SLC18A1: variants seen among roughly 807,000 people sequenced by gnomAD.
SLC18A1 encodes solute carrier family 18 member A1.
In SLC18A1, 69 loss-of-function variants were observed where a neutral mutation model predicts 53.7. The observed-to-expected ratio is 1.28, with a 90% confidence interval of 1.06 to 1.57. SLC18A1 has a LOEUF of 1.57. SLC18A1 is among the 40% of genes most tolerant of loss of function. The probability of loss-of-function intolerance (pLI) is 0.00; values close to 1 mark genes in which losing one functional copy is unlikely to be tolerated. For missense variants in SLC18A1, 932 were observed against 668.1 expected, an observed-to-expected ratio of 1.40 and a Z score of -4.35; for synonymous variants, 320 against 248.1, an observed-to-expected ratio of 1.29 and a Z score of -2.72.
chr8:20,181,042 C>CTGTCA lies in SLC18A1; in HGVS notation c.-79_-78insTGACA. On this transcript the variant is annotated 5_prime_UTR_variant, in exon 2 of 16. Coordinates refer to ENST00000276373, the MANE Select transcript of SLC18A1 (RefSeq NM_003053.4). ...TGTGACAGCTACAGGTCTCCTGCAGCCTTTATGGAAGAGGGGAGGGAGTCT... is the reference window on the plus strand; with the variant it reads ...TGTGACAGCTACAGGTCTCCTGCAGCTGTCACTTTATGGAAGAGGGGAGGGAGTCT... 1 of 1,493,920 alleles carries CTGTCA rather than the reference C, an allele frequency of 6.7e-7. No homozygotes were observed. Among genetic ancestry groups the CTGTCA allele is most frequent in the Non-Finnish European group, 9.0e-7 (1 of 1,114,548 alleles). The allele number at this position is 1,493,920 out of a possible 1,614,324, so 92.5% of individuals were successfully genotyped here. A position where few individuals can be genotyped will look rare whatever the true frequency, so the allele number is the denominator to read the frequency against.
chr8:20,153,882 T>A (rs2071619891), intron 10 of SLC18A1, among the ~76,000 whole-genome samples: 1 of 152,226 alleles, frequency 6.6e-6, no homozygotes, highest in Admixed American at 6.5e-5. Flanking sequence ...TGCTTGATAT[T>A]TGTCCTCTTG....
chr8:20,182,063 T>C (rs1226160080), intron 1 of SLC18A1: 2 of 152,222 alleles, frequency 1.3e-5, no homozygotes, highest in Non-Finnish European at 2.9e-5. Context: ...TAAGAGTTTC[T>C]GGGGAGAATT....
chr8:20,147,280 G>A lies in SLC18A1; in HGVS notation c.1442C>T (p.Pro481Leu). Residue 481 changes from proline (P) to leucine (L), a missense_variant, in exon 15 of 16, where the codon CCC becomes CTC. Pro to Leu is a moderately conservative substitution (Grantham distance 98). Transcript: ENST00000276373. ...YAPLCYYLRS[P>L]PAKEEKLAIL... ...TACAAGCTTCTCTTCCTTTGCCGGG[G>A]GGCTCCGCAGGTAGTAGCAGAGTGG... 6.2e-7 allele frequency: 1 copy of A among 1,606,896 alleles called. No individual in the cohort carries two copies. The highest frequency in any genetic ancestry group is 8.5e-7 in the Non-Finnish European group (1 of 1,178,062).
At chr8:20,147,976 G>A (rs1479887903) in intron 13 of SLC18A1, 31 bp downstream of exon 13, 5 of 1,608,426 alleles carry the variant, frequency 3.1e-6, no homozygotes, top group East Asian at 2.2e-5. Context: ...ACATGCAGGG[G>A]CTTATTGTTT....
chr8:20,173,066 C>G lies in SLC18A1; in HGVS notation c.694G>C (p.Ala232Pro). Residue 232 changes from alanine to proline, a missense_variant, in exon 6 of 16, where the codon GCT becomes CCT. Coordinates refer to ENST00000276373, the MANE Select transcript of SLC18A1 (RefSeq NM_003053.4). ...AACCCCAAGGCCAGGCCCCCCAGAG[C>G]AGTTCCCATGGCTCGTCCTCTCTCA... ...DHERGRAMGT[A>P]LGGLALGLLV... 6.3e-7 allele frequency: 1 copy of G among 1,592,630 alleles called. No homozygotes were observed. Among genetic ancestry groups the G allele is most frequent in the South Asian group, 1.1e-5 (1 of 87,350 alleles).
intron 8 of SLC18A1, among the ~76,000 whole-genome samples, chr8:20,170,196 C>A (rs889864228): frequency 6.6e-6 from 1 of 152,090 alleles, no homozygotes; most frequent in Non-Finnish European, 1.5e-5. Flanking sequence ...CAGGAGACTG[C>A]GGGAGGCTCC....
rs375597139 is a variant in SLC18A1, at chr8:20,150,539, T to G, written c.1094+127A>C. The G allele has an allele frequency of 1.8e-4, 153 of 832,732 alleles. 1 individual carries two copies. The South Asian group carries it at 2.1e-3, about 11-fold the overall frequency. 51.6% of individuals were successfully genotyped at this position (832,732 alleles called of 1,614,324 possible). A position where few individuals can be genotyped will look rare whatever the true frequency, so the allele number is the denominator to read the frequency against. On this transcript the variant is annotated intron_variant, in intron 11 of 15. Coordinates refer to ENST00000276373, the MANE Select transcript of SLC18A1 (RefSeq NM_003053.4). ...CACTGCCCATCCTCCCAGTGGGAAG[T>G]TTTTATCGGTGTGTACTCATCCTAA... is the stretch of plus-strand genomic sequence containing the variant.
chr8:20,147,252 C>T lies in SLC18A1; in HGVS notation c.1464+6G>A. 1 of 1,593,632 alleles carries T rather than the reference C, an allele frequency of 6.3e-7. No individual in the cohort carries two copies. Among genetic ancestry groups the T allele is most frequent in the South Asian group, 1.1e-5 (1 of 87,516 alleles). ...AATTTCTCTTTTAACAGTCGGTGCT[C>T]CTTACAAGCTTCTCTTCCTTTGCCG... is the stretch of plus-strand genomic sequence containing the variant. On this transcript the variant is annotated splice_donor_region_variant and intron_variant, in intron 15 of 15. Coordinates refer to ENST00000276373, the MANE Select transcript of SLC18A1 (RefSeq NM_003053.4).
chr8:20,171,071 A>C, intron 8 of SLC18A1, 32 bp downstream of exon 8: 1 of 1,611,310 alleles, frequency 6.2e-7, no homozygotes. Context: ...ATCCTGTATA[A>C]CTGTTAGAAA....
intron 6 of SLC18A1, 88 bp from the exon 7 acceptor site, chr8:20,171,582 CAGA>C: frequency 9.6e-7 from 1 of 1,043,014 alleles, no homozygotes; most frequent in Non-Finnish European, 1.5e-6. Context: ...TGAGCATTTG[CAGA>C]AGGCCTGCTA....
Position 20,145,890 on chromosome 8 carries a change from C to T in SLC18A1, c.1465-14G>A. 6.8e-7 allele frequency: 1 copy of T among 1,472,492 alleles called. No homozygotes were observed. Among genetic ancestry groups the T allele is most frequent in the Non-Finnish European group, 9.3e-7 (1 of 1,070,792 alleles). 91.2% of individuals were successfully genotyped at this position (1,472,492 alleles called of 1,614,324 possible). Reference sequence around the variant, plus strand: ...ACTCAGAATAGCCTGCAGAGAGAGGCAAGAAGAGAAGCCACTGCACATTAT... The same window carrying T: ...ACTCAGAATAGCCTGCAGAGAGAGGTAAGAAGAGAAGCCACTGCACATTAT... On this transcript the variant is annotated splice_polypyrimidine_tract_variant and intron_variant, in intron 15 of 15. Coordinates refer to ENST00000276373, the MANE Select transcript of SLC18A1 (RefSeq NM_003053.4).
At chr8:20,151,155 TTTG>T (rs1216711090) in intron 10 of SLC18A1, among the ~76,000 whole-genome samples, 69 of 142,540 alleles carry the variant, frequency 4.8e-4, no homozygotes, top group South Asian at 1.3e-3. Context: ...TTGTTTTTTT[TTTG>T]TTTGTTTGTT....
Position 20,181,111 on chromosome 8 carries a change from G to C in SLC18A1, c.-123-24C>G. ...CACTATTAAAACGAAAAGTGCAAAG[G>C]GTTGCAAGTAGTAGGATGATATTTG... On this transcript the variant is annotated intron_variant, in intron 1 of 15. Coordinates refer to ENST00000276373, the MANE Select transcript of SLC18A1 (RefSeq NM_003053.4). 1.7e-5 allele frequency: 14 copies of C among 814,710 alleles called. 1 individual carries two copies. In the South Asian group the frequency reaches 2.6e-4, roughly 15 times the overall value. The allele number at this position is 814,710 out of a possible 1,614,324, so 50.5% of individuals were successfully genotyped here.
At chr8:20,171,864 T>A (rs928248438) in intron 6 of SLC18A1, among the ~76,000 whole-genome samples, 3 of 152,014 alleles carry the variant, frequency 2.0e-5, no homozygotes, top group Non-Finnish European at 4.4e-5. Flanking sequence ...GTGTAGAGTA[T>A]CTGGAGGGGA....
chr8:20,156,473 G>A (rs1264097513), intron 10 of SLC18A1, among the ~76,000 whole-genome samples: 3 of 152,104 alleles, frequency 2.0e-5, no homozygotes, highest in Non-Finnish European at 2.9e-5. Context: ...GGTTCCTCCC[G>A]GGTGACTGAG....
At chr8:20,159,652 AAAAAAAAAAAAG>A (rs2071772362) in intron 10 of SLC18A1, among the ~76,000 whole-genome samples, 1 of 75,558 alleles carries the variant, frequency 1.3e-5, no homozygotes, top group Non-Finnish European at 2.8e-5. Flanking sequence ...AAAAAAAAAA[AAAAAAAAAAAAG>A]AAAGAAAAAG....
intron 10 of SLC18A1, among the ~76,000 whole-genome samples, chr8:20,153,209 T>C (rs2071602463): frequency 6.9e-6 from 1 of 145,854 alleles, no homozygotes; most frequent in Non-Finnish European, 1.5e-5. Context: ...ACCAACAGCG[T>C]GGTTGTGCGT....
intron 10 of SLC18A1, among the ~76,000 whole-genome samples, chr8:20,153,734 G>A (rs2071616983): frequency 6.6e-6 from 1 of 152,070 alleles, no homozygotes; most frequent in Non-Finnish European, 1.5e-5. Context: ...ACAGTGAATT[G>A]GTGATCCCAG....
intron 10 of SLC18A1, among the ~76,000 whole-genome samples, chr8:20,164,233 G>A (rs1393807006): frequency 1.3e-5 from 2 of 152,108 alleles, no homozygotes; most frequent in Non-Finnish European, 2.9e-5. Context: ...GGAAGGGCTA[G>A]ATCCTCCTCT....
Sources: allele counts gnomAD v4.1 joint callset (sites outside exome capture counted in the v4.1 genomes callset), GRCh38; gene constraint gnomAD v4.1.1; transcripts MANE v1.5; gene names NCBI Gene and HGNC (gene_info 2026-07-23, HGNC 2026-07-21).